Variants in PSMC1 observed in about 807,000 individuals in gnomAD.
The protein encoded by PSMC1 is proteasome 26S subunit, ATPase 1.
A neutral mutation model predicts 49.8 loss-of-function variants in PSMC1; 5 were observed. The ratio of observed to expected loss-of-function variants is 0.10; its 90% confidence interval spans 0.05 to 0.21. PSMC1 has a LOEUF of 0.21. Among genes scored for constraint, PSMC1 ranks in the 10% least tolerant of loss-of-function variants. PSMC1 has a pLI of 1.00. For missense variants in PSMC1, 181 were observed against 535.7 expected (o/e 0.34, Z 6.54); for synonymous variants, 155 against 192.1 (o/e 0.81, Z 1.60).
chr14:90,261,031 A>C (rs1035543001), intron 3 of PSMC1, among the ~76,000 whole-genome samples: 26 of 152,230 alleles, frequency 1.7e-4, no homozygotes, highest in Non-Finnish European at 3.4e-4. Flanking sequence ...GTTATAATAA[A>C]ATTTTTCAAT....
intron 10 of PSMC1, 182 bp downstream of exon 10, chr14:90,270,534 C>A: frequency 1.5e-6 from 1 of 656,386 alleles, no homozygotes; most frequent in Non-Finnish European, 2.4e-6. Flanking sequence ...ATTCTTAATG[C>A]ATCATTTTAT....
chr14:90,257,288 G>C (rs1202060000), intron 1 of PSMC1, among the ~76,000 whole-genome samples: 1 of 152,132 alleles, frequency 6.6e-6, no homozygotes, highest in Admixed American at 6.5e-5. Context: ...TTCATAGTGC[G>C]TACATTCTAG....
At chr14:90,260,044 TA>T in intron 2 of PSMC1, 70 bp from the exon 3 acceptor site, 1 of 920,920 alleles carries the variant, frequency 1.1e-6, no homozygotes, top group Non-Finnish European at 1.6e-6. Flanking sequence ...ATGATGGTGG[TA>T]CAGAAATAAA....
At position 90,259,009 on chromosome 14, in the gene PSMC1, T is replaced by C. The variant is rs1595038896; in HGVS notation, c.4-151T>C. On this transcript the variant is annotated intron_variant, in intron 1 of 10. Coordinates refer to ENST00000261303, the MANE Select transcript of PSMC1 (RefSeq NM_002802.3). ...TGCCACACTAAATGCACACATTGAC[T>C]GCAAGTATTACATCTTGGGTTCAGA... The C allele has an allele frequency of 2.2e-5, 13 of 601,174 alleles. No individual in the cohort carries two copies. In the East Asian group the frequency reaches 4.3e-4, roughly 20 times the overall value. The allele number at this position is 601,174 out of a possible 1,614,324, so 37.2% of individuals were successfully genotyped here.
In PSMC1 at chr14:90,274,211, G is replaced by A. The variant is rs1034126197; in HGVS notation, c.*1804G>A. Reference sequence around the variant, plus strand: ...AGGAACACCACAGCACGGGGACTCAGCATGGGCAGGGTGAGGCTGGCATCC... The same window carrying A: ...AGGAACACCACAGCACGGGGACTCAACATGGGCAGGGTGAGGCTGGCATCC... On this transcript the variant is annotated 3_prime_UTR_variant, in exon 11 of 11. Coordinates refer to ENST00000261303, the MANE Select transcript of PSMC1 (RefSeq NM_002802.3). 5 of 155,320 alleles carry A rather than the reference G, an allele frequency of 3.2e-5. No homozygotes were observed. The highest frequency in any genetic ancestry group is 1.2e-4 in the African/African-American group (5 of 41,232). 9.6% of individuals were successfully genotyped at this position (155,320 alleles called of 1,614,324 possible). A position where few individuals can be genotyped will look rare whatever the true frequency, so the allele number is the denominator to read the frequency against.
Position 90,268,295 on chromosome 14 carries a change from C to T in PSMC1, c.763C>T (p.Leu255Phe), listed in dbSNP as rs1891570821. 1 of 1,611,206 alleles carries T rather than the reference C, an allele frequency of 6.2e-7. No homozygotes were observed. The highest frequency in any genetic ancestry group is 8.5e-7 in the Non-Finnish European group (1 of 1,177,742). ...ATFLRVVGSE[L>F]IQKYLGDGPK... ...TTTCTTGAGAGTGGTTGGCTCTGAA[C>T]TTATTCAGAAGTACCTAGGTGATGG... The change falls in exon 8 of 11, where the codon CTT becomes TTT. Residue 255 changes from leucine to phenylalanine, a missense_variant. Around this residue, in one of 3 missense-constraint regions of PSMC1, gnomAD observed 121 missense variants for 358.6 expected, o/e 0.34. Transcript: ENST00000261303.
intron 3 of PSMC1, among the ~76,000 whole-genome samples, chr14:90,261,327 A>C (rs1306759337): frequency 6.6e-6 from 1 of 152,242 alleles, no homozygotes; most frequent in Non-Finnish European, 1.5e-5. Context: ...GAAAAAACTA[A>C]GAAGAAATAC....
Position 90,266,979 on chromosome 14 carries a change from C to T in PSMC1, c.692-1245C>T, listed in dbSNP as rs111919455. Among the ~76,000 whole-genome samples the T allele has an allele frequency of 5.9e-3, 904 of 152,202 alleles. 10 individuals carry two copies. The highest frequency in any genetic ancestry group is 0.021 in the African/African-American group (877 of 41,468). On this transcript the variant is annotated intron_variant, in intron 7 of 10. Coordinates refer to ENST00000261303, the MANE Select transcript of PSMC1 (RefSeq NM_002802.3). ...CACCTCCACACTCCTCCCGTGCTGG[C>T]CCGAGGCTGCCAGCTCTGCCCCTAA...
chr14:90,264,115 C>T lies in PSMC1; in HGVS notation c.540C>T (p.Pro180=). ...LVTVMKVEKA[P]QETYADIGGL... is the part of the protein sequence containing the mutation. The stretch of plus-strand genomic sequence containing the variant: ...CAGTGATGAAGGTAGAAAAGGCCCC[C>T]CAGGAGACCTATGCAGATATTGGGG... The change falls in exon 6 of 11, where the codon CCC becomes CCT. Residue 180 remains proline (P), a synonymous_variant. Coordinates refer to ENST00000261303, the MANE Select transcript of PSMC1 (RefSeq NM_002802.3). 1 of 1,613,288 alleles carries T rather than the reference C, an allele frequency of 6.2e-7. No homozygotes were observed. The highest frequency in any genetic ancestry group is 8.5e-7 in the Non-Finnish European group (1 of 1,179,818).
chr14:90,271,925 G>A (rs565423550), intron 10 of PSMC1: 491 of 142,254 alleles, frequency 3.5e-3, no homozygotes, highest in Non-Finnish European at 4.5e-3. Context: ...GTAGAGTTTC[G>A]CTCGTTGCTC....
chr14:90,269,295 ATGTT>A (rs1891599498), intron 8 of PSMC1, 98 bp from the exon 9 acceptor site: 1 of 1,015,788 alleles, frequency 9.8e-7, no homozygotes, highest in African/African-American at 1.6e-5. Flanking sequence ...TGAAACAGGA[ATGTT>A]TGTTAAGGTG....
chr14:90,263,075 G>GC (rs1891432013), intron 3 of PSMC1, among the ~76,000 whole-genome samples: 1 of 152,112 alleles, frequency 6.6e-6, no homozygotes, highest in Non-Finnish European at 1.5e-5. Flanking sequence ...AGACTATTCA[G>GC]CCAGGGTGTG....
intron 1 of PSMC1, among the ~76,000 whole-genome samples, chr14:90,257,100 T>C (rs1174676627): frequency 3.9e-5 from 6 of 152,122 alleles, no homozygotes. Flanking sequence ...GACGTTGTTA[T>C]GACAGGCGGA....
rs144111170 is a variant in PSMC1 at position 90,274,787 on chromosome 14, T to TACACACACACACACACACACAC, written c.*2411_*2432dup. The TACACACACACACACACACACAC allele has an allele frequency of 2.7e-5, 3 of 110,906 alleles. No homozygotes were observed. The highest frequency in any genetic ancestry group is 9.5e-5 in the African/African-American group (3 of 31,732). The allele number at this position is 110,906 out of a possible 1,614,324, so 6.9% of individuals were successfully genotyped here. The stretch of plus-strand genomic sequence containing the variant: ...CAGTATAGCCCTTTAAATAGGGAAC[T>TACACACACACACACACACACAC]ACACACACACACACACACACACACA... On this transcript the variant is annotated 3_prime_UTR_variant, in exon 11 of 11. Transcript: ENST00000261303.
chr14:90,269,872 A>T (rs1891617420), intron 9 of PSMC1: 1 of 374,402 alleles, frequency 2.7e-6, no homozygotes, highest in Admixed American at 4.3e-5. Context: ...ACATTCAGGT[A>T]GCATCAGAAG....
rs1027074398 is a variant in PSMC1, at chr14:90,272,968, C to A, written c.*561C>A. 6.6e-6 allele frequency: 1 copy of A among 152,158 alleles called. No individual in the cohort carries two copies. Among genetic ancestry groups the A allele is most frequent in the Non-Finnish European group, 1.5e-5 (1 of 68,032 alleles). 9.4% of individuals were successfully genotyped at this position (152,158 alleles called of 1,614,324 possible). ...GGCAGAAAATAACTACTGGTGTTCC[C>A]AAGAGACTGAGGATTCCTAGAGATA... On this transcript the variant is annotated 3_prime_UTR_variant, in exon 11 of 11. Transcript: ENST00000261303. This position sits in a 1 kb window ranked among gnomAD's most constrained non-coding sequence, Gnocchi z 4.5.
At position 90,263,751 on chromosome 14, in the gene PSMC1, G is replaced by A; in HGVS notation, c.369G>A (p.Val123=). 6.2e-7 allele frequency: 1 copy of A among 1,612,508 alleles called. No homozygotes were observed. The highest frequency in any genetic ancestry group is 8.5e-7 in the Non-Finnish European group (1 of 1,178,478). Residue 123 remains valine (V), a synonymous_variant, in exon 5 of 11, where the codon GTG becomes GTA. Transcript: ENST00000261303. ...TCATTGATGACAATCATGCCATCGT[G>A]TCTACATCTGTGGGCTCAGAACACT... ...EEIIDDNHAI[V]STSVGSEHYV...
intron 8 of PSMC1, chr14:90,269,187 A>C: frequency 1.8e-6 from 1 of 551,526 alleles, no homozygotes; most frequent in East Asian, 3.0e-5. Flanking sequence ...AGTAGGGATT[A>C]AGTTTCAACA....
At chr14:90,266,383 T>G (rs1193918517) in intron 7 of PSMC1, among the ~76,000 whole-genome samples, 1 of 152,184 alleles carries the variant, frequency 6.6e-6, no homozygotes, top group East Asian at 1.9e-4. Flanking sequence ...TTGACAGTGT[T>G]CCTAAGAAGA....
Sources: gnomAD v4.1 joint callset for allele counts (sites outside exome capture counted in the v4.1 genomes callset) on GRCh38, gnomAD v4.1.1 for gene constraint, gnomAD v4.1.1 regional missense constraint, Gnocchi (gnomAD v3.1) non-coding constraint, MANE v1.5 for transcripts, NCBI Gene and HGNC (gene_info 2026-07-23, HGNC 2026-07-21) for gene names.